Variants in ARHGEF18 observed in about 807,000 individuals in gnomAD.
The protein encoded by ARHGEF18 is rho guanine nucleotide exchange factor 18.
A neutral mutation model predicts 155.7 loss-of-function variants in ARHGEF18; 93 were observed. The ratio of observed to expected loss-of-function variants is 0.60; its 90% CI spans 0.50 to 0.71. ARHGEF18 has a LOEUF of 0.71. Among genes scored for constraint, ARHGEF18 ranks in the 30% least tolerant of loss-of-function variants. ARHGEF18 has a pLI of 0.00. For synonymous variants in ARHGEF18, 742 were observed against 753.1 expected (o/e 0.99, Z 0.24); for missense variants, 1,593 against 1,816.1 (o/e 0.88, Z 2.23).
At chr19:7,399,483 CCTT>C (rs2145562475) in intron 10 of ARHGEF18, among the ~76,000 whole-genome samples, 1 of 149,560 alleles carries the variant, frequency 6.7e-6, no homozygotes, top group South Asian at 2.1e-4. Flanking sequence ...GTTTTTTTTT[CCTT>C]CTTTTTTTTT....
chr19:7,392,106 T>C (rs1030279941), intron 10 of ARHGEF18, among the ~76,000 whole-genome samples: 1 of 151,334 alleles, frequency 6.6e-6, no homozygotes, highest in Non-Finnish European at 1.5e-5. Flanking sequence ...CCAGATGTAG[T>C]GGCGGGTGCC....
intron 8 of ARHGEF18, among the ~76,000 whole-genome samples, chr19:7,381,741 G>A (rs1286484318): frequency 6.7e-6 from 1 of 150,186 alleles, no homozygotes; most frequent in Non-Finnish European, 1.5e-5. Flanking sequence ...AAAGAGCAGT[G>A]GGGCCTTTGA....
chr19:7,433,148 G>A lies in ARHGEF18; in HGVS notation c.968-7196G>A, dbSNP rs537551602. The stretch of plus-strand genomic sequence containing the variant: ...TGTACTCTAGCCTAGATGATGGAGC[G>A]AGAATGTGTCTCTCTTTAAAAAAAA... On this transcript the variant is annotated intron_variant, in intron 10 of 28. Coordinates refer to ENST00000668164, the MANE Select transcript of ARHGEF18 (RefSeq NM_001367823.1). 1.0e-4 allele frequency among the ~76,000 whole-genome samples: 15 copies of A among 148,666 alleles called. No homozygotes were observed. The South Asian group carries it at 3.1e-3, about 30-fold the overall frequency.
Position 7,462,030 on chromosome 19 carries a change from G to T in ARHGEF18, c.2453-122G>T, listed in dbSNP as rs1976297707. 2 of 1,093,750 alleles carry T rather than the reference G, an allele frequency of 1.8e-6. No individual in the cohort carries two copies. The highest frequency in any genetic ancestry group is 1.4e-6 in the Non-Finnish European group (1 of 733,388). 67.8% of individuals were successfully genotyped at this position (1,093,750 alleles called of 1,614,324 possible). On this transcript the variant is annotated intron_variant, in intron 20 of 28. Transcript: ENST00000668164. The surrounding 1 kb of genome is among the most constrained non-coding windows in gnomAD (Gnocchi z 4.4). Reference sequence around the variant, plus strand: ...TACCTCCCAGGAATGCAGGACACAAGGGGGCAGCCTACCTCAGGGCAGGGC... The same window carrying T: ...TACCTCCCAGGAATGCAGGACACAATGGGGCAGCCTACCTCAGGGCAGGGC...
chr19:7,426,951 CCTT>C (rs1973702671), intron 10 of ARHGEF18, among the ~76,000 whole-genome samples: 1 of 152,084 alleles, frequency 6.6e-6, no homozygotes, highest in Non-Finnish European at 1.5e-5. Flanking sequence ...TTCTACAGAG[CCTT>C]CTGAGTCTCA....
intron 17 of ARHGEF18, among the ~76,000 whole-genome samples, chr19:7,455,042 A>G (rs1238186221): frequency 1.3e-5 from 2 of 152,144 alleles, no homozygotes; most frequent in Non-Finnish European, 2.9e-5. Context: ...TTTCCTGTTC[A>G]TTTTTGGAGC....
Position 7,452,338 on chromosome 19 carries a change from G to A in ARHGEF18, c.1855+1072G>A, listed in dbSNP as rs139919452. On this transcript the variant is annotated intron_variant, in intron 16 of 28. Coordinates refer to ENST00000668164, the MANE Select transcript of ARHGEF18 (RefSeq NM_001367823.1). Reference sequence around the variant, plus strand: ...CAGGGCCGTGCTGACCACAGCTCTCGCTTCACCACTGAATTCAGGCCGTGA... The same window carrying A: ...CAGGGCCGTGCTGACCACAGCTCTCACTTCACCACTGAATTCAGGCCGTGA... Among the ~76,000 whole-genome samples, 763 of 152,276 alleles carry A rather than the reference G, an allele frequency of 5.0e-3. 10 individuals carry two copies. The highest frequency in any genetic ancestry group is 0.017 in the African/African-American group (724 of 41,562).
At chr19:7,435,546 C>T (rs951050618) in intron 10 of ARHGEF18, among the ~76,000 whole-genome samples, 2 of 152,000 alleles carry the variant, frequency 1.3e-5, no homozygotes, top group East Asian at 1.9e-4. Context: ...ATGAGGGCAG[C>T]GGGACCGTGG....
intron 10 of ARHGEF18, among the ~76,000 whole-genome samples, chr19:7,391,654 C>T (rs529045011): frequency 6.6e-6 from 1 of 152,240 alleles, no homozygotes; most frequent in South Asian, 2.1e-4. Context: ...CCACTTCCTC[C>T]AGGAAGTCGG....
Position 7,373,089 on chromosome 19 carries a change from G to A in ARHGEF18, c.275+18G>A. The A allele has an allele frequency of 8.1e-7, 1 of 1,234,444 alleles. No individual in the cohort carries two copies. 76.5% of individuals were successfully genotyped at this position (1,234,444 alleles called of 1,614,324 possible). ...TGGCGGAGGTCAGTTCCCCACTGCT[G>A]CCTGCTTCCCACAATGCACCCCTGG... On this transcript the variant is annotated intron_variant, in intron 3 of 28. Transcript: ENST00000668164.
Position 7,416,793 on chromosome 19 carries a change from CG to C in ARHGEF18, c.968-23547del, listed in dbSNP as rs1280357927. Among the ~76,000 whole-genome samples, 4 of 100,076 alleles carry C rather than the reference CG, an allele frequency of 4.0e-5. No homozygotes were observed. In the East Asian group the frequency reaches 1.6e-3, roughly 39 times the overall value. 65.7% of individuals were successfully genotyped at this position (100,076 alleles called of 152,430 possible). A position where few individuals can be genotyped will look rare whatever the true frequency, so the allele number is the denominator to read the frequency against. ...AATTTTTTGTATTTTTAAGTGGAAA[CG>C]GGGTTTCACTGTGTTAGCCAGGATG... On this transcript the variant is annotated intron_variant, in intron 10 of 28. Transcript: ENST00000668164.
chr19:7,363,145 T>C (rs905325800), intron 2 of ARHGEF18, among the ~76,000 whole-genome samples: 2 of 151,776 alleles, frequency 1.3e-5, no homozygotes, highest in African/African-American at 4.8e-5. Context: ...GATAGATGGA[T>C]GGGTGGGTGG....
chr19:7,442,612 G>A (rs1452212205), intron 13 of ARHGEF18, among the ~76,000 whole-genome samples: 1 of 152,222 alleles, frequency 6.6e-6, no homozygotes, highest in African/African-American at 2.4e-5. Context: ...AGAGGATTTT[G>A]TTATAATACG....
At chr19:7,403,977 A>G (rs1003310640) in intron 10 of ARHGEF18, among the ~76,000 whole-genome samples, 5 of 151,882 alleles carry the variant, frequency 3.3e-5, no homozygotes, top group Non-Finnish European at 7.4e-5. Flanking sequence ...AGGCAGGAGA[A>G]TCACTTGAAC....
At chr19:7,401,378 T>G (rs575781471) in intron 10 of ARHGEF18, among the ~76,000 whole-genome samples, 8 of 152,272 alleles carry the variant, frequency 5.3e-5, no homozygotes. Flanking sequence ...CTCAACCTCC[T>G]GGGCTCAAGT....
chr19:7,399,632 C>T (rs1273722456), intron 10 of ARHGEF18, among the ~76,000 whole-genome samples: 1 of 152,004 alleles, frequency 6.6e-6, no homozygotes, highest in Non-Finnish European at 1.5e-5. Flanking sequence ...AGGTGCCTGC[C>T]ACCACGCCTG....
rs1174901564 is a variant in ARHGEF18, at chr19:7,349,310, A to C, written c.-111+69A>C. On this transcript the variant is annotated intron_variant, in intron 1 of 28. Coordinates refer to ENST00000668164, the MANE Select transcript of ARHGEF18 (RefSeq NM_001367823.1). ...GACAGAGTGGCAGTGGGGTCTGGGA[A>C]GTCTAGGGGGACAGCGAGCAGACAT... The C allele has an allele frequency of 6.6e-5, 10 of 152,502 alleles. No individual in the cohort carries two copies. The East Asian group carries it at 1.9e-3, about 29-fold the overall frequency. 9.4% of individuals were successfully genotyped at this position (152,502 alleles called of 1,614,324 possible).
rs544793075 is a variant in ARHGEF18, at chr19:7,471,786, C to T, written c.*1488C>T. 1.3e-5 allele frequency: 2 copies of T among 152,294 alleles called. No individual in the cohort carries two copies. Among genetic ancestry groups the T allele is most frequent in the East Asian group, 1.9e-4 (1 of 5,164 alleles). The allele number at this position is 152,294 out of a possible 1,614,324, so 9.4% of individuals were successfully genotyped here. On this transcript the variant is annotated 3_prime_UTR_variant, in exon 29 of 29. Transcript: ENST00000668164. This position sits in a 1 kb window ranked among gnomAD's most constrained non-coding sequence, Gnocchi z 4.4. ...GGAGGGGGCGGGGCAGGAGCTGGTG[C>T]CAACCGGGAACCAGAGCCCCACAGC... is the stretch of plus-strand genomic sequence containing the variant.
intron 10 of ARHGEF18, among the ~76,000 whole-genome samples, chr19:7,415,109 T>C (rs1364447886): frequency 1.3e-5 from 2 of 152,186 alleles, no homozygotes; most frequent in Non-Finnish European, 2.9e-5. Context: ...TCAGCTATTC[T>C]GCTCCCAAGA....
Sources: allele counts gnomAD v4.1 joint callset (sites outside exome capture counted in the v4.1 genomes callset), GRCh38; gene constraint gnomAD v4.1.1; non-coding constraint Gnocchi (gnomAD v3.1); transcripts MANE v1.5; gene names NCBI Gene and HGNC (gene_info 2026-07-23, HGNC 2026-07-21).